The following IREB2 variants were observed in gnomAD, a reference collection of about 807,000 sequenced individuals.
IREB2 encodes the protein iron responsive element binding protein 2, also known as iron-responsive element-binding protein 2.
In IREB2, 39 loss-of-function variants were observed where a neutral mutation model predicts 118.8. The observed-to-expected ratio is 0.33, with a 90% CI of 0.25 to 0.43. IREB2 has a LOEUF of 0.43. Among genes scored for constraint, IREB2 ranks in the 20% least tolerant of loss-of-function variants. The pLI is 1.00. For synonymous variants in IREB2, 372 were observed against 392.2 expected (o/e 0.95, Z 0.61); for missense variants, 900 against 1,147.3 (o/e 0.78, Z 3.11).
rs1407929289 is a variant in IREB2, at chr15:78,484,778, C to T, written c.1431C>T (p.Phe477=). The T allele has an allele frequency of 6.2e-7, 1 of 1,612,814 alleles. No individual in the cohort carries two copies. The highest frequency in any genetic ancestry group is 1.1e-5 in the South Asian group (1 of 90,992). ...CLNEKVGFKG[F]QIAAEKQKDI... ...TTGTATAGGTTGGATTTAAAGGCTT[C>T]CAAATTGCAGCTGAAAAACAAAAGG... The change falls in exon 12 of 22, where the codon TTC becomes TTT. Residue 477 remains phenylalanine, a synonymous_variant. Coordinates refer to ENST00000258886, the MANE Select transcript of IREB2 (RefSeq NM_004136.4).
intron 2 of IREB2, among the ~76,000 whole-genome samples, chr15:78,440,840 A>G (rs1438282888): frequency 6.6e-6 from 1 of 152,048 alleles, no homozygotes; most frequent in African/African-American, 2.4e-5. Context: ...ATCAGGGTCA[A>G]ACCTTTCTCT....
At chr15:78,488,512 T>C in intron 15 of IREB2, 135 bp from the exon 16 acceptor site, 1 of 978,986 alleles carries the variant, frequency 1.0e-6, no homozygotes, top group Non-Finnish European at 1.5e-6. Flanking sequence ...TACAGGTAAT[T>C]AGTTCTTCCA....
intron 2 of IREB2, among the ~76,000 whole-genome samples, chr15:78,459,320 A>G (rs1355748625): frequency 6.6e-6 from 1 of 150,980 alleles, no homozygotes; most frequent in Admixed American, 6.6e-5. Flanking sequence ...CCTTAATATA[A>G]TTGGGTTTTT....
At chr15:78,497,088 G>A in intron 20 of IREB2, 38 bp from the exon 21 acceptor site, 1 of 1,533,988 alleles carries the variant, frequency 6.5e-7, no homozygotes, top group Non-Finnish European at 9.0e-7. Context: ...ATAACTTTCA[G>A]AAGTGATTAG....
At chr15:78,470,743 G>A (rs2051362190) in intron 6 of IREB2, 142 bp downstream of exon 6, 2 of 447,170 alleles carry the variant, frequency 4.5e-6, no homozygotes, top group Non-Finnish European at 7.7e-6. Flanking sequence ...TACCCAGGCT[G>A]GAGTCCAGTG....
At position 78,496,629 on chromosome 15, in the gene IREB2, A is replaced by G. The variant is rs183706293; in HGVS notation, c.2596-497A>G. 3.3e-5 allele frequency among the ~76,000 whole-genome samples: 5 copies of G among 152,204 alleles called. No homozygotes were observed. In the East Asian group the frequency reaches 5.8e-4, roughly 18 times the overall value. On this transcript the variant is annotated intron_variant, in intron 20 of 21. Coordinates refer to ENST00000258886, the MANE Select transcript of IREB2 (RefSeq NM_004136.4). ...TGTTTTGTAGAGACAGGGTCTCACT[A>G]TATTGCCCAGGCTGGTCTCAAACTC...
At chr15:78,441,239 AAC>A (rs138402833) in intron 2 of IREB2, among the ~76,000 whole-genome samples, 3,757 of 152,332 alleles carry the variant, frequency 0.025, 66 homozygotes, top group East Asian at 0.086. Flanking sequence ...TTTAAAAATA[AAC>A]AGTTTGCCAA....
chr15:78,487,450 G>GT (rs1167559523), intron 13 of IREB2, among the ~76,000 whole-genome samples: 1 of 152,170 alleles, frequency 6.6e-6, no homozygotes, highest in Non-Finnish European at 1.5e-5. Flanking sequence ...AGCTGGGCCT[G>GT]GTGGCGAGCG....
chr15:78,450,563 C>T (rs1476152035), intron 2 of IREB2, among the ~76,000 whole-genome samples: 1 of 152,094 alleles, frequency 6.6e-6, no homozygotes, highest in East Asian at 1.9e-4. Flanking sequence ...TGTGGGCATG[C>T]GTTGGGAAAA....
intron 5 of IREB2, among the ~76,000 whole-genome samples, chr15:78,466,942 C>T (rs1439650259): frequency 1.3e-5 from 2 of 151,976 alleles, no homozygotes; most frequent in Non-Finnish European, 2.9e-5. Context: ...GTTGGCTGGG[C>T]GTAGTGGCTC....
intron 13 of IREB2, among the ~76,000 whole-genome samples, chr15:78,486,630 A>G (rs12903295): frequency 0.53 from 80,386 of 151,628 alleles, 22,123 homozygotes; most frequent in Non-Finnish European, 0.62. Context: ...AAAGTAACCT[A>G]TGTTTTTTAT....
rs560077168 is a variant in IREB2 at position 78,448,293 on chromosome 15, C to T, written c.106+8412C>T. Among the ~76,000 whole-genome samples, 43 of 151,636 alleles carry T rather than the reference C, an allele frequency of 2.8e-4. 1 individual carries two copies. Among genetic ancestry groups the T allele is most frequent in the South Asian group, 2.1e-3 (10 of 4,764 alleles). ...CCAAGTAGCTGGGATTACAGGTGCACGCCACCACGCCCGGCTGATTTCTAT... is the reference window on the plus strand; with the variant it reads ...CCAAGTAGCTGGGATTACAGGTGCATGCCACCACGCCCGGCTGATTTCTAT... On this transcript the variant is annotated intron_variant, in intron 2 of 21. Transcript: ENST00000258886.
At chr15:78,464,750 A>AT (rs1203990168) in intron 3 of IREB2, among the ~76,000 whole-genome samples, 1 of 152,058 alleles carries the variant, frequency 6.6e-6, no homozygotes, top group Non-Finnish European at 1.5e-5. Flanking sequence ...CTTCCCTAAA[A>AT]TTTTTTTGAG....
intron 2 of IREB2, among the ~76,000 whole-genome samples, chr15:78,443,543 G>T (rs2050878744): frequency 6.6e-6 from 1 of 152,038 alleles, no homozygotes; most frequent in Non-Finnish European, 1.5e-5. Context: ...ATGGAAGTGG[G>T]CACATCTTAG....
intron 14 of IREB2, 118 bp downstream of exon 14, chr15:78,487,935 A>G (rs757277574): frequency 1.0e-4 from 69 of 686,970 alleles, no homozygotes; most frequent in Non-Finnish European, 1.5e-4. Context: ...ACCTCTTGGC[A>G]ATAGTAACCT....
At chr15:78,474,947 C>G (rs948897176) in intron 8 of IREB2, 1 of 149,820 alleles carries the variant, frequency 6.7e-6, no homozygotes, top group Non-Finnish European at 1.5e-5. Flanking sequence ...CCCAGCTTCT[C>G]GGGAGGCTGA....
Position 78,501,042 on chromosome 15 carries a change from C to CA in IREB2, c.*2900dup, listed in dbSNP as rs1431918427. 6.6e-6 allele frequency: 1 copy of CA among 152,272 alleles called. No homozygotes were observed. Among genetic ancestry groups the CA allele is most frequent in the African/African-American group, 2.4e-5 (1 of 41,548 alleles). The allele number at this position is 152,272 out of a possible 1,614,324, so 9.4% of individuals were successfully genotyped here. On this transcript the variant is annotated 3_prime_UTR_variant, in exon 22 of 22. Transcript: ENST00000258886. Reference sequence around the variant, plus strand: ...CATTTTTCTGTGGTTGAATAGAAGACACCTTTCTTTTGTCTTTAGGTTTAG... The same window carrying CA: ...CATTTTTCTGTGGTTGAATAGAAGACAACCTTTCTTTTGTCTTTAGGTTTAG...
At chr15:78,484,943 A>G in intron 12 of IREB2, 23 bp downstream of exon 12, 1 of 1,594,890 alleles carries the variant, frequency 6.3e-7, no homozygotes, top group Non-Finnish European at 8.5e-7. Flanking sequence ...TTATGGCCAT[A>G]CTTTTTCTTT....
rs1317852959 is a variant in IREB2 at position 78,485,823 on chromosome 15, A to G, written c.1692A>G (p.Pro564=). The change falls in exon 13 of 22, where the codon CCA becomes CCG. Residue 564 remains proline (P), a synonymous_variant. Coordinates refer to ENST00000258886, the MANE Select transcript of IREB2 (RefSeq NM_004136.4). The stretch of plus-strand genomic sequence containing the variant: ...ACCTCAGTTCAAGTGGAGTATTACC[A>G]TATCTAAGTAAGCTTGGGTAAGTAA... The part of the protein sequence containing the change: ...THYLSSSGVL[P]YLSKLGFEIV... 3 of 1,613,722 alleles carry G rather than the reference A, an allele frequency of 1.9e-6. No individual in the cohort carries two copies. The highest frequency in any genetic ancestry group is 2.7e-5 in the African/African-American group (2 of 75,046).
Sources: gnomAD v4.1 joint callset for allele counts (sites outside exome capture counted in the v4.1 genomes callset) on GRCh38, gnomAD v4.1.1 for gene constraint, MANE v1.5 for transcripts, NCBI Gene and HGNC (gene_info 2026-07-23, HGNC 2026-07-21) for gene names.